Variants in TFEC observed in about 807,000 individuals in gnomAD.
TFEC encodes the protein class E basic helix-loop-helix protein 34.
In TFEC, 31 loss-of-function variants were observed where a neutral mutation model predicts 41.6. The ratio of observed to expected loss-of-function variants is 0.74; its 90% CI spans 0.56 to 1.01. The LOEUF is 1.01. Ranked by LOEUF, TFEC falls within the 50% of genes least tolerant of loss-of-function variation. The pLI, the probability that TFEC is intolerant of heterozygous loss-of-function variation, is 0.00. For missense variants in TFEC, 402 were observed against 404.1 expected (o/e 0.99, Z 0.04); for synonymous variants, 143 against 140.6 (o/e 1.02, Z -0.12).
chr7:115,954,969 T>C (rs1297860533), intron 4 of TFEC, among the ~76,000 whole-genome samples: 8 of 152,044 alleles, frequency 5.3e-5, no homozygotes, highest in Admixed American at 3.9e-4. Flanking sequence ...CTTAAAATCA[T>C]TGTGATAACC....
In TFEC at chr7:115,954,575, T is replaced by C; in HGVS notation, c.439+11A>G. 3.7e-6 allele frequency: 6 copies of C among 1,607,866 alleles called. No homozygotes were observed. The highest frequency in any genetic ancestry group is 5.1e-6 in the Non-Finnish European group (6 of 1,176,154). On this transcript the variant is annotated intron_variant, in intron 5 of 7. Transcript: ENST00000265440. ...TTTGCATTAATTTTATATGGAAAAA[T>C]ATATACTCACTGAGGTTGTGGTTGT...
chr7:116,158,691 T>C (rs1584585518), intron 1 of TFEC, among the ~76,000 whole-genome samples: 1 of 152,102 alleles, frequency 6.6e-6, no homozygotes, highest in Non-Finnish European at 1.5e-5. Context: ...TACATAATAA[T>C]GGATAAAATG....
At position 115,950,933 on chromosome 7, in the gene TFEC, C is replaced by T; in HGVS notation, c.456G>A (p.Arg152=). 3 of 1,592,438 alleles carry T rather than the reference C, an allele frequency of 1.9e-6. No homozygotes were observed. Among genetic ancestry groups the T allele is most frequent in the African/African-American group, 1.3e-5 (1 of 74,324 alleles). Residue 152 remains arginine, a synonymous_variant, in exon 6 of 8, where the codon AGG becomes AGA. Transcript: ENST00000265440. ...DNHNLIERRR[R]YNINYRIKEL... is the part of the protein sequence containing the mutation. ...CCTTGATTCGGTAATTAATATTATA[C>T]CTTCTTCTTCTTTCAACTATTAAAG...
chr7:115,996,670 C>T (rs1350135786), intron 1 of TFEC, among the ~76,000 whole-genome samples: 1 of 152,054 alleles, frequency 6.6e-6, no homozygotes, highest in Non-Finnish European at 1.5e-5. Context: ...GACAGCATTG[C>T]TGGACATTCT....
At chr7:116,112,118 T>G in intron 1 of TFEC, 1 of 754,268 alleles carries the variant, frequency 1.3e-6, no homozygotes, top group Non-Finnish European at 1.6e-6. Flanking sequence ...ACGTTGTACA[T>G]TATTATAAGG....
At chr7:116,039,821 T>TA (rs1445005112) in intron 3 of TFEC, among the ~76,000 whole-genome samples, 1 of 152,014 alleles carries the variant, frequency 6.6e-6, no homozygotes, top group Non-Finnish European at 1.5e-5. Flanking sequence ...TTTTAGAGGT[T>TA]AAAAAAAGTC....
intron 1 of TFEC, among the ~76,000 whole-genome samples, chr7:116,018,790 C>A (rs1795287071): frequency 6.6e-6 from 1 of 152,082 alleles, no homozygotes; most frequent in African/African-American, 2.4e-5. Flanking sequence ...AGATAATGGG[C>A]TAAAACAATG....
chr7:115,948,984 A>G (rs906546299), intron 6 of TFEC, among the ~76,000 whole-genome samples: 2 of 151,842 alleles, frequency 1.3e-5, no homozygotes, highest in African/African-American at 4.8e-5. Flanking sequence ...TTAAGCTGAT[A>G]AGCAACTTCA....
At chr7:116,005,831 T>C (rs1794767144) in intron 1 of TFEC, among the ~76,000 whole-genome samples, 1 of 152,184 alleles carries the variant, frequency 6.6e-6, no homozygotes, top group African/African-American at 2.4e-5. Context: ...AAAAAATGGT[T>C]TCCTGGGCCA....
intron 3 of TFEC, among the ~76,000 whole-genome samples, chr7:116,059,771 G>A (rs141171452): frequency 7.9e-4 from 120 of 152,008 alleles, no homozygotes; most frequent in African/African-American, 2.5e-3. Flanking sequence ...AAAAGTATTT[G>A]ACAAAATACA....
chr7:116,072,850 T>G (rs1453315015), intron 3 of TFEC, among the ~76,000 whole-genome samples: 1 of 151,528 alleles, frequency 6.6e-6, no homozygotes, highest in African/African-American at 2.4e-5. Context: ...AAAACACAGT[T>G]AAGATGATAC....
At chr7:116,144,286 G>C (rs1219032228) in intron 1 of TFEC, among the ~76,000 whole-genome samples, 1 of 152,038 alleles carries the variant, frequency 6.6e-6, no homozygotes, top group Non-Finnish European at 1.5e-5. Context: ...ACTCATCTAG[G>C]TATTTGGATT....
At chr7:116,112,790 C>A (rs1797886418) in intron 1 of TFEC, among the ~76,000 whole-genome samples, 2 of 151,870 alleles carry the variant, frequency 1.3e-5, no homozygotes, top group Non-Finnish European at 2.9e-5. Flanking sequence ...AACGGATCAG[C>A]AAACCAATCT....
At chr7:116,054,369 A>G (rs1414548283) in intron 3 of TFEC, among the ~76,000 whole-genome samples, 1 of 152,204 alleles carries the variant, frequency 6.6e-6, no homozygotes, top group Non-Finnish European at 1.5e-5. Context: ...GTTCTAGAAT[A>G]CAATCCTGTA....
intron 1 of TFEC, among the ~76,000 whole-genome samples, chr7:116,132,941 C>A (rs1798361589): frequency 6.6e-6 from 1 of 152,082 alleles, no homozygotes; most frequent in African/African-American, 2.4e-5. Context: ...TCTCATTTAT[C>A]TGTCCTCTTT....
intron 3 of TFEC, among the ~76,000 whole-genome samples, chr7:116,102,589 T>C (rs1434468208): frequency 6.6e-6 from 1 of 152,138 alleles, no homozygotes; most frequent in African/African-American, 2.4e-5. Context: ...TTCAACAGGA[T>C]TTGGCAATAA....
chr7:115,945,762 T>A (rs1400906495), intron 6 of TFEC, among the ~76,000 whole-genome samples: 1 of 151,768 alleles, frequency 6.6e-6, no homozygotes, highest in East Asian at 2.0e-4. Context: ...GTTTTCCCAA[T>A]TCTGGTCTAT....
rs1350707830 is a variant in TFEC, at chr7:115,940,154, G to A, written c.*397C>T. ...CCGGAAGACTGATGTGAAAGTTGAA[G>A]AGAAGATGGAAATGAGTAACTAAGA... is the stretch of plus-strand genomic sequence containing the variant. On this transcript the variant is annotated 3_prime_UTR_variant, in exon 8 of 8. Transcript: ENST00000265440. 6.4e-6 allele frequency: 1 copy of A among 156,106 alleles called. No individual in the cohort carries two copies. Among genetic ancestry groups the A allele is most frequent in the African/African-American group, 2.4e-5 (1 of 41,462 alleles). 9.7% of individuals were successfully genotyped at this position (156,106 alleles called of 1,614,324 possible). A position where few individuals can be genotyped will look rare whatever the true frequency, so the allele number is the denominator to read the frequency against.
At chr7:116,114,581 G>C (rs1013986991) in intron 1 of TFEC, among the ~76,000 whole-genome samples, 1 of 151,882 alleles carries the variant, frequency 6.6e-6, no homozygotes, top group Non-Finnish European at 1.5e-5. Context: ...AGTTCCAAGG[G>C]AGACAGAGAG....
Sources: allele counts gnomAD v4.1 joint callset (sites outside exome capture counted in the v4.1 genomes callset), GRCh38; gene constraint gnomAD v4.1.1; transcripts MANE v1.5; gene names NCBI Gene and HGNC (gene_info 2026-07-23, HGNC 2026-07-21).